The following ZDBF2 variants were observed in gnomAD, a reference collection of about 807,000 sequenced individuals.
ZDBF2 encodes the protein zinc finger DBF-type containing 2.
A neutral mutation model predicts 9.4 loss-of-function variants in ZDBF2; 6 were observed. The ratio of observed to expected loss-of-function variants is 0.64; its 90% confidence interval spans 0.35 to 1.27. The LOEUF (loss-of-function observed/expected upper bound fraction) is 1.27, where lower values mean the gene tolerates loss of function less well. Ranked by LOEUF, ZDBF2 falls within the 50% of genes most tolerant of loss-of-function variation. The probability of loss-of-function intolerance (pLI) is 0.03; values close to 1 mark genes in which losing one functional copy is unlikely to be tolerated. For synonymous variants in ZDBF2, 905 were observed against 946.3 expected (o/e 0.96, Z 0.80); for missense variants, 2,697 against 2,766.8 (o/e 0.97, Z 0.57).
At chr2:206,286,199 A>G (rs1023527288) in intron 3 of ZDBF2, among the ~76,000 whole-genome samples, 4 of 152,180 alleles carry the variant, frequency 2.6e-5, no homozygotes, top group Admixed American at 1.3e-4. Context: ...AATCTTCTGT[A>G]AATATCTGGT....
At chr2:206,283,961 CCTT>C (rs1308456745) in intron 3 of ZDBF2, among the ~76,000 whole-genome samples, 19 of 152,194 alleles carry the variant, frequency 1.2e-4, no homozygotes, top group Admixed American at 1.1e-3. Context: ...CCACAACTGG[CCTT>C]CTTTTTACTT....
chr2:206,311,426 C>T lies in ZDBF2; in HGVS notation c.6898C>T (p.Arg2300Cys), dbSNP rs575579494. Residue 2300 changes from arginine (R) to cysteine (C), a missense_variant, in exon 5 of 5, where the codon CGC (arginine) becomes TGC (cysteine). By Grantham distance (180) the Arg-to-Cys change is radical (BLOSUM62 -3). Around this residue, in one of 3 missense-constraint regions of ZDBF2, gnomAD observed 1,783 missense variants for 1,776.5 expected, o/e 1.00. Coordinates refer to ENST00000374423, the MANE Select transcript of ZDBF2 (RefSeq NM_020923.3). ...PPKRPVRASC[R>C]VARRRKKTDE... ...AAAGCGACCTGTGCGGGCTTCTTGC[C>T]GCGTTGCAAGAAGGAGGAAGAAGAC... 1.1e-5 allele frequency: 18 copies of T among 1,610,594 alleles called. No homozygotes were observed. In the South Asian group the frequency reaches 1.2e-4, roughly 11 times the overall value.
intron 3 of ZDBF2, among the ~76,000 whole-genome samples, chr2:206,291,330 C>A (rs992973241): frequency 6.6e-6 from 1 of 152,108 alleles, no homozygotes; most frequent in Admixed American, 6.5e-5. Context: ...ATAGAGTTTA[C>A]GCTCCTATGA....
In ZDBF2 at chr2:206,305,578, G is replaced by C; in HGVS notation, c.1050G>C (p.Lys350Asn). 1.2e-6 allele frequency: 2 copies of C among 1,613,762 alleles called. No homozygotes were observed. Among genetic ancestry groups the C allele is most frequent in the Non-Finnish European group, 1.7e-6 (2 of 1,179,796 alleles). Residue 350 changes from lysine (K) to asparagine (N), a missense_variant, in exon 5 of 5, where the codon AAG becomes AAC. Lys to Asn is a moderately conservative substitution (Grantham distance 94, BLOSUM62 0). Transcript: ENST00000374423. ...AAGAAAAGCATTTGGTTTTTAACAAGACAGCCTTTTGGGAACAGAAGTGCT... is the reference window on the plus strand; with the variant it reads ...AAGAAAAGCATTTGGTTTTTAACAACACAGCCTTTTGGGAACAGAAGTGCT... ...TQEEKHLVFN[K>N]TAFWEQKCSV...
chr2:206,299,078 A>G (rs1428152756), intron 4 of ZDBF2, among the ~76,000 whole-genome samples: 2 of 143,588 alleles, frequency 1.4e-5, no homozygotes, highest in African/African-American at 2.6e-5. Context: ...ACAGGGTTTC[A>G]CCATGTTGGC....
At position 206,306,128 on chromosome 2, in the gene ZDBF2, A is replaced by G. The variant is rs761496346; in HGVS notation, c.1600A>G (p.Ser534Gly). Residue 534 changes from serine to glycine, a missense_variant, in exon 5 of 5, where the codon AGT (serine) becomes GGT (glycine). Ser to Gly is a moderately conservative substitution (Grantham distance 56). Around this residue, in one of 3 missense-constraint regions of ZDBF2, gnomAD observed 910 missense variants for 973.6 expected, o/e 0.93. Transcript: ENST00000374423. ...IGLVDKNYGS[S>G]SSEVSADSVF... ...TTTGGTTGATAAGAACTATGGTTCC[A>G]GTAGCTCTGAAGTAAGTGCTGATTC... 4 of 1,613,860 alleles carry G rather than the reference A, an allele frequency of 2.5e-6. No individual in the cohort carries two copies. In the South Asian group the frequency reaches 4.4e-5, roughly 18 times the overall value.
chr2:206,285,829 G>T lies in ZDBF2; in HGVS notation c.60+3920G>T, dbSNP rs533058193. ...CATTTTGAGTTGATTTTTGTGTATG[G>T]TGAGAGATAGGGGTCTAGTTTCACT... On this transcript the variant is annotated intron_variant, in intron 3 of 4. Coordinates refer to ENST00000374423, the MANE Select transcript of ZDBF2 (RefSeq NM_020923.3). Among the ~76,000 whole-genome samples the T allele has an allele frequency of 1.1e-4, 17 of 152,260 alleles. No individual in the cohort carries two copies. In the South Asian group the frequency reaches 3.3e-3, roughly 30 times the overall value.
Position 206,291,992 on chromosome 2 carries a change from T to A in ZDBF2, c.61-5254T>A, listed in dbSNP as rs577143068. On this transcript the variant is annotated intron_variant, in intron 3 of 4. Transcript: ENST00000374423. ...AAAACTATTTTCAGGAAATAAAAAT[T>A]AAGGGAATTTGTCACCAGCAGACTC... 1.5e-5 allele frequency: 6 copies of A among 398,044 alleles called. No homozygotes were observed. The South Asian group carries it at 5.1e-4, about 34-fold the overall frequency. 24.7% of individuals were successfully genotyped at this position (398,044 alleles called of 1,614,324 possible).
intron 4 of ZDBF2, among the ~76,000 whole-genome samples, chr2:206,301,542 G>GTC (rs936215460): frequency 3.9e-5 from 6 of 151,944 alleles, no homozygotes; most frequent in African/African-American, 1.2e-4. Context: ...TTGTATTTGT[G>GTC]TATATGTGTG....
rs767377718 is a variant in ZDBF2, at chr2:206,308,658, C to G, written c.4130C>G (p.Ala1377Gly). Reference protein sequence around the residue: ...SSDSNDSFQAAADELQKPVKE... With the variant: ...SSDSNDSFQAGADELQKPVKE... ...GATTCCAATGACTCTTTTCAGGCAGCAGCAGATGAGCTTCAAAAACCTGTC... is the reference window on the plus strand; with the variant it reads ...GATTCCAATGACTCTTTTCAGGCAGGAGCAGATGAGCTTCAAAAACCTGTC... Residue 1377 changes from alanine to glycine, a missense_variant, in exon 5 of 5, where the codon GCA becomes GGA. Coordinates refer to ENST00000374423, the MANE Select transcript of ZDBF2 (RefSeq NM_020923.3). 4 of 1,612,358 alleles carry G rather than the reference C, an allele frequency of 2.5e-6. No individual in the cohort carries two copies. The highest frequency in any genetic ancestry group is 3.4e-6 in the Non-Finnish European group (4 of 1,179,842).
chr2:206,302,068 G>A (rs1310927425), intron 4 of ZDBF2, among the ~76,000 whole-genome samples: 4 of 151,840 alleles, frequency 2.6e-5, no homozygotes, highest in South Asian at 2.1e-4. Context: ...GGAGTGCAGG[G>A]TGTGATTATA....
In ZDBF2 at chr2:206,310,632, G is replaced by T. The variant is rs746376256; in HGVS notation, c.6104G>T (p.Trp2035Leu). Reference protein sequence around the residue: ...LPFPKMRHHSWDNDIRFICKY... With the variant: ...LPFPKMRHHSLDNDIRFICKY... ...TTCCCTAAAATGAGGCACCATAGTT[G>T]GGATAATGATATTCGGTTTATATGC... is the stretch of plus-strand genomic sequence containing the variant. The change falls in exon 5 of 5, where the codon TGG (tryptophan) becomes TTG (leucine). Residue 2035 changes from tryptophan to leucine, a missense_variant. Around this residue, in one of 3 missense-constraint regions of ZDBF2, gnomAD observed 1,783 missense variants for 1,776.5 expected, o/e 1.00. Transcript: ENST00000374423. 5 of 1,609,128 alleles carry T rather than the reference G, an allele frequency of 3.1e-6. No individual in the cohort carries two copies. In the East Asian group the frequency reaches 6.7e-5, roughly 22 times the overall value.
rs761660895 is a variant in ZDBF2 at position 206,306,469 on chromosome 2, T to A, written c.1941T>A (p.Asn647Lys). ...DESQRAVEKI[N>K]LLKEKNADLM... ...CCCAGAGGGCTGTTGAAAAGATAAA[T>A]CTTCTGAAGGAGAAGAATGCTGACC... is the stretch of plus-strand genomic sequence containing the variant. Residue 647 changes from asparagine to lysine, a missense_variant, in exon 5 of 5, where the codon AAT becomes AAA. By Grantham distance (94) the Asn-to-Lys change is moderately conservative. This residue lies in a region of ZDBF2 where 910 missense variants were observed against 973.6 expected (regional missense o/e 0.93). Transcript: ENST00000374423. 2 of 1,613,796 alleles carry A rather than the reference T, an allele frequency of 1.2e-6. No individual in the cohort carries two copies. Among genetic ancestry groups the A allele is most frequent in the Admixed American group, 1.7e-5 (1 of 59,994 alleles).
chr2:206,284,778 GA>G (rs1205164479), intron 3 of ZDBF2, among the ~76,000 whole-genome samples: 7 of 152,122 alleles, frequency 4.6e-5, no homozygotes, highest in Admixed American at 1.3e-4. Context: ...ACCTAGGCTG[GA>G]GTGCAGTGGC....
Position 206,307,476 on chromosome 2 carries a change from A to C in ZDBF2, c.2948A>C (p.Glu983Ala). 1 of 1,612,988 alleles carries C rather than the reference A, an allele frequency of 6.2e-7. No homozygotes were observed. The highest frequency in any genetic ancestry group is 8.5e-7 in the Non-Finnish European group (1 of 1,179,506). ...GTCAAAGAAACATGGCTTCAAAGAG[A>C]AAAGCACGCTGAATTCCAAGGTAGA... ...VIVKETWLQR[E>A]KHAEFQGRST... is the part of the protein sequence containing the mutation. Residue 983 changes from glutamate to alanine, a missense_variant, in exon 5 of 5, where the codon GAA becomes GCA. Physicochemically the swap from Glu to Ala is moderately radical, Grantham distance 107. This residue lies in a region of ZDBF2 where 1,783 missense variants were observed against 1,776.5 expected (regional missense o/e 1.00). Coordinates refer to ENST00000374423, the MANE Select transcript of ZDBF2 (RefSeq NM_020923.3).
intron 4 of ZDBF2, among the ~76,000 whole-genome samples, chr2:206,299,783 T>G (rs1456491488): frequency 6.7e-6 from 1 of 150,148 alleles, no homozygotes; most frequent in African/African-American, 2.5e-5. Flanking sequence ...CTGGGCAACA[T>G]AGTGAGGCCT....
chr2:206,299,190 T>G, intron 4 of ZDBF2, among the ~76,000 whole-genome samples: 1 of 152,088 alleles, frequency 6.6e-6, no homozygotes, highest in Middle Eastern at 3.2e-3. Context: ...CACATGCAAC[T>G]ATTTCTATGG....
chr2:206,305,303 A>G lies in ZDBF2; in HGVS notation c.775A>G (p.Arg259Gly), dbSNP rs748548110. 6.2e-7 allele frequency: 1 copy of G among 1,612,672 alleles called. No homozygotes were observed. The highest frequency in any genetic ancestry group is 8.5e-7 in the Non-Finnish European group (1 of 1,179,354). The change falls in exon 5 of 5, where the codon AGG becomes GGG. Residue 259 changes from arginine (R) to glycine (G), a missense_variant. By Grantham distance (125) the Arg-to-Gly change is moderately radical. Around this residue, in one of 3 missense-constraint regions of ZDBF2, gnomAD observed 910 missense variants for 973.6 expected, o/e 0.93. Transcript: ENST00000374423. Reference protein sequence around the residue: ...FSYQKHKESNRKSLRMNSDKL... With the variant: ...FSYQKHKESNGKSLRMNSDKL... ...GTATCAGAAACATAAAGAATCAAAT[A>G]GGAAATCTTTACGCATGAATTCAGA...
In ZDBF2 at chr2:206,311,011, A is replaced by G. The variant is rs764392804; in HGVS notation, c.6483A>G (p.Lys2161=). Residue 2161 remains lysine (K), a synonymous_variant, in exon 5 of 5, where the codon AAA becomes AAG. Coordinates refer to ENST00000374423, the MANE Select transcript of ZDBF2 (RefSeq NM_020923.3). The stretch of plus-strand genomic sequence containing the variant: ...ATGATGTTGTCAAAATCTCTCCAAA[A>G]TCAGTTAGAAATAAGCTTTTGGAAA... ...LNHDVVKISP[K]SVRNKLLESQ... The G allele has an allele frequency of 1.9e-6, 3 of 1,611,574 alleles. No individual in the cohort carries two copies. The highest frequency in any genetic ancestry group is 2.5e-6 in the Non-Finnish European group (3 of 1,179,400).
Sources: gnomAD v4.1 joint callset for allele counts (sites outside exome capture counted in the v4.1 genomes callset) on GRCh38, gnomAD v4.1.1 for gene constraint, gnomAD v4.1.1 regional missense constraint, MANE v1.5 for transcripts, NCBI Gene and HGNC (gene_info 2026-07-23, HGNC 2026-07-21) for gene names.